Variants in ELMO1 observed in about 807,000 individuals in gnomAD.
The protein encoded by ELMO1 is engulfment and cell motility 1, also known as engulfment and cell motility protein 1.
In ELMO1, 26 loss-of-function variants were observed where a neutral mutation model predicts 98.9. That is an observed-to-expected ratio of 0.26 (90% CI 0.19 to 0.36). The LOEUF (loss-of-function observed/expected upper bound fraction) is 0.36. Among genes scored for constraint, ELMO1 ranks in the 10% least tolerant of loss-of-function variants. The pLI, the probability that ELMO1 is intolerant of heterozygous loss-of-function variation, is 1.00. For synonymous variants in ELMO1, 346 were observed against 346.0 expected (o/e 1.00, Z 0.00); for missense variants, 627 against 935.2 (o/e 0.67, Z 4.30).
At chr7:36,952,426 C>T (rs551407027) in intron 16 of ELMO1, among the ~76,000 whole-genome samples, 6 of 152,054 alleles carry the variant, frequency 3.9e-5, no homozygotes, top group Admixed American at 2.0e-4. Flanking sequence ...GGCGGGGAGA[C>T]GAGCACAGTG....
intron 4 of ELMO1, among the ~76,000 whole-genome samples, 182 bp from the exon 5 acceptor site, chr7:37,272,064 G>C (rs980083449): frequency 6.6e-6 from 1 of 152,130 alleles, no homozygotes; most frequent in Non-Finnish European, 1.5e-5. Flanking sequence ...CAAAGGAAGT[G>C]AATACAAACC....
At chr7:37,087,080 A>C (rs1783828036) in intron 15 of ELMO1, among the ~76,000 whole-genome samples, 1 of 152,222 alleles carries the variant, frequency 6.6e-6, no homozygotes, top group Non-Finnish European at 1.5e-5. Context: ...ATTCCAAAGT[A>C]GTTTACATTT....
intron 1 of ELMO1, among the ~76,000 whole-genome samples, chr7:37,377,820 G>T (rs1802415673): frequency 6.6e-6 from 1 of 152,096 alleles, no homozygotes; most frequent in Non-Finnish European, 1.5e-5. Context: ...AAAATCAGTT[G>T]CCATAAGCAT....
At chr7:36,982,315 T>A (rs1157031315) in intron 16 of ELMO1, among the ~76,000 whole-genome samples, 1 of 152,184 alleles carries the variant, frequency 6.6e-6, no homozygotes, top group African/African-American at 2.4e-5. Flanking sequence ...ACATGAAAAA[T>A]TCAATGTAAA....
intron 4 of ELMO1, among the ~76,000 whole-genome samples, chr7:37,283,634 C>CA (rs779750917): frequency 7.9e-5 from 12 of 152,232 alleles, no homozygotes; most frequent in Non-Finnish European, 1.3e-4. Flanking sequence ...GACAGTGGGG[C>CA]AGCCCCAGCA....
intron 13 of ELMO1, among the ~76,000 whole-genome samples, chr7:37,159,296 TATA>T (rs1789030788): frequency 6.6e-6 from 1 of 152,174 alleles, no homozygotes; most frequent in Admixed American, 6.5e-5. Context: ...CAACTTAAAG[TATA>T]ATAATAAAAG....
At chr7:37,436,074 C>T (rs1805129510) in intron 1 of ELMO1, among the ~76,000 whole-genome samples, 2 of 152,226 alleles carry the variant, frequency 1.3e-5, no homozygotes, top group Admixed American at 1.3e-4. Flanking sequence ...GCTTCCCTGA[C>T]ACCTGAATTC....
intron 13 of ELMO1, among the ~76,000 whole-genome samples, chr7:37,191,785 G>A (rs1177665863): frequency 6.6e-6 from 1 of 152,110 alleles, no homozygotes; most frequent in Non-Finnish European, 1.5e-5. Context: ...GGGCATGGTG[G>A]CACGAACCTG....
chr7:37,133,520 A>G (rs935896215), intron 13 of ELMO1, among the ~76,000 whole-genome samples: 4 of 152,214 alleles, frequency 2.6e-5, no homozygotes, highest in Non-Finnish European at 5.9e-5. Context: ...TGAGAAAAAG[A>G]AAATGATGCA....
rs143656091 is a variant in ELMO1 at position 37,132,921 on chromosome 7, C to T, written c.1191+209G>A. The T allele has an allele frequency of 4.3e-4, 159 of 372,156 alleles. 1 individual carries two copies. Among genetic ancestry groups the T allele is most frequent in the African/African-American group, 3.0e-3 (144 of 47,848 alleles). 23.1% of individuals were successfully genotyped at this position (372,156 alleles called of 1,614,324 possible). Reference sequence around the variant, plus strand: ...TAGTATCTACCGTATTTTTTAATGTCATCGAAATAAAAAAATTAAAAGTTA... The same window carrying T: ...TAGTATCTACCGTATTTTTTAATGTTATCGAAATAAAAAAATTAAAAGTTA... On this transcript the variant is annotated intron_variant, in intron 14 of 21. Transcript: ENST00000310758.
chr7:37,437,734 C>A (rs1402068163), intron 1 of ELMO1, among the ~76,000 whole-genome samples: 3 of 11,354 alleles, frequency 2.6e-4, no homozygotes, highest in African/African-American at 7.0e-4. Flanking sequence ...CTTTGGGAGG[C>A]CGAGGCGGGT....
chr7:37,314,399 A>G (rs565763775), intron 4 of ELMO1, among the ~76,000 whole-genome samples: 1 of 152,344 alleles, frequency 6.6e-6, no homozygotes, highest in South Asian at 2.1e-4. Flanking sequence ...TCACCCAAGG[A>G]GAGAGCTGGG....
At chr7:37,352,441 TC>T (rs1457273367) in intron 1 of ELMO1, among the ~76,000 whole-genome samples, 1 of 152,240 alleles carries the variant, frequency 6.6e-6, no homozygotes, top group African/African-American at 2.4e-5. Context: ...CTGCAGGACT[TC>T]TCAGGGACTT....
chr7:37,068,884 A>G (rs889734500), intron 15 of ELMO1, among the ~76,000 whole-genome samples: 5 of 152,186 alleles, frequency 3.3e-5, no homozygotes, highest in African/African-American at 9.7e-5. Flanking sequence ...TGAAGGCTAT[A>G]AATCTTAAAT....
At chr7:37,036,397 G>T (rs1795176647) in intron 15 of ELMO1, among the ~76,000 whole-genome samples, 1 of 152,050 alleles carries the variant, frequency 6.6e-6, no homozygotes, top group African/African-American at 2.4e-5. Context: ...TTAAGACAGG[G>T]TCTTACTCTG....
At chr7:37,015,099 C>A (rs1793840072) in intron 15 of ELMO1, among the ~76,000 whole-genome samples, 1 of 152,118 alleles carries the variant, frequency 6.6e-6, no homozygotes. Flanking sequence ...GCACAGCTCA[C>A]CATTTCTAAA....
intron 16 of ELMO1, among the ~76,000 whole-genome samples, chr7:36,946,933 ATTAAT>A (rs1254121463): frequency 4.6e-5 from 7 of 152,238 alleles, no homozygotes; most frequent in Non-Finnish European, 8.8e-5. Context: ...ATCACAATGA[ATTAAT>A]TTATTTTTTA....
intron 15 of ELMO1, among the ~76,000 whole-genome samples, chr7:37,023,624 T>C (rs1794404325): frequency 2.0e-5 from 3 of 152,186 alleles, no homozygotes; most frequent in Admixed American, 2.0e-4. Context: ...TTTGTTTTTT[T>C]TGAGATGGAG....
intron 16 of ELMO1, among the ~76,000 whole-genome samples, chr7:37,005,471 C>T (rs766235972): frequency 1.3e-5 from 2 of 152,078 alleles, no homozygotes; most frequent in Non-Finnish European, 2.9e-5. Context: ...GCAGGTGAAT[C>T]ACCTGAGGTC....
Sources: gnomAD v4.1 joint callset for allele counts (sites outside exome capture counted in the v4.1 genomes callset) on GRCh38, gnomAD v4.1.1 for gene constraint, MANE v1.5 for transcripts, NCBI Gene and HGNC (gene_info 2026-07-23, HGNC 2026-07-21) for gene names.